SETD1A: variants seen among roughly 807,000 people sequenced by gnomAD.
SETD1A encodes SET domain containing 1A, histone lysine methyltransferase.
In SETD1A, 29 loss-of-function variants were observed where a neutral mutation model predicts 149.9. That is an observed-to-expected ratio of 0.19 (90% CI 0.14 to 0.26). SETD1A has a LOEUF of 0.26. Ranked by LOEUF, SETD1A falls within the 10% of genes least tolerant of loss-of-function variation. The probability of loss-of-function intolerance (pLI) is 1.00; values close to 1 mark genes in which losing one functional copy is unlikely to be tolerated. For synonymous variants in SETD1A, 1,141 were observed against 968.5 expected, an observed-to-expected ratio of 1.18 and a Z score of -3.31; for missense variants, 2,109 against 2,353.1, an observed-to-expected ratio of 0.90 and a Z score of 2.15.
In SETD1A at chr16:30,966,124, A is replaced by G. The variant is rs1181170806; in HGVS notation, c.2243A>G (p.Tyr748Cys). Residue 748 changes from tyrosine to cysteine, a missense_variant, in exon 8 of 19, where the codon TAC (tyrosine) becomes TGC (cysteine). By Grantham distance (194) the Tyr-to-Cys change is radical (BLOSUM62 -2). Around this residue, in one of 8 missense-constraint regions of SETD1A, gnomAD observed 431 missense variants for 388.6 expected, o/e 1.11. Transcript: ENST00000262519. ...AGAGGGGCATACTCACGGGAGGCCT[A>G]CCACCTGCCCATGCCAATGGCAGCC... ...EGRGAYSREAYHLPMPMAAEP... is the reference protein window; with the variant it reads ...EGRGAYSREACHLPMPMAAEP... 1 of 1,601,720 alleles carries G rather than the reference A, an allele frequency of 6.2e-7. No individual in the cohort carries two copies.
Position 30,961,558 on chromosome 16 carries a change from C to T in SETD1A, c.517+21C>T. ...CAAAGGTGAGGACTCCTCTGCCTGCCACTCAGGCTTGGCCTCCAGCGGAGG... is the reference window on the plus strand; with the variant it reads ...CAAAGGTGAGGACTCCTCTGCCTGCTACTCAGGCTTGGCCTCCAGCGGAGG... On this transcript the variant is annotated intron_variant, in intron 4 of 18. Transcript: ENST00000262519. This position sits in a 1 kb window ranked among gnomAD's most constrained non-coding sequence, Gnocchi z 4.0. 6.2e-7 allele frequency: 1 copy of T among 1,610,160 alleles called. No homozygotes were observed. The highest frequency in any genetic ancestry group is 2.2e-5 in the East Asian group (1 of 44,866).
At chr16:30,982,094 C>T (rs908747725) in intron 17 of SETD1A, among the ~76,000 whole-genome samples, 16 of 152,178 alleles carry the variant, frequency 1.1e-4, no homozygotes, top group African/African-American at 3.1e-4. Context: ...GAAAGGAGCT[C>T]GCAGGCCCAG....
chr16:30,981,822 A>G (rs775761497), intron 17 of SETD1A, among the ~76,000 whole-genome samples: 4 of 151,884 alleles, frequency 2.6e-5, no homozygotes, highest in African/African-American at 7.2e-5. Flanking sequence ...GTGGGGGTAC[A>G]TGGCTGTGGT....
At chr16:30,958,666 A>T in intron 1 of SETD1A, 51 bp from the exon 2 acceptor site, 1 of 1,475,014 alleles carries the variant, frequency 6.8e-7, no homozygotes, top group Non-Finnish European at 9.4e-7. Context: ...AAGGCAGGGG[A>T]GTCAGGCCCC....
At position 30,979,278 on chromosome 16, in the gene SETD1A, C is replaced by G. The variant is rs767078706; in HGVS notation, c.3492C>G (p.Arg1164=). ...PIPLLPPPKK[R]RKTVSFSAIE... Reference sequence around the variant, plus strand: ...CCCTCCTGCCCCCACCCAAGAAACGCCGGAAAACTGTCTCCTTCTCTGCCA... The same window carrying G: ...CCCTCCTGCCCCCACCCAAGAAACGGCGGAAAACTGTCTCCTTCTCTGCCA... Residue 1164 remains arginine, a synonymous_variant, in exon 14 of 19, where the codon CGC becomes CGG. Coordinates refer to ENST00000262519, the MANE Select transcript of SETD1A (RefSeq NM_014712.3). 2 of 1,613,428 alleles carry G rather than the reference C, an allele frequency of 1.2e-6. No individual in the cohort carries two copies. The highest frequency in any genetic ancestry group is 1.7e-6 in the Non-Finnish European group (2 of 1,179,696).
chr16:30,966,755 A>T (rs192057695), intron 8 of SETD1A, 129 bp from the exon 9 acceptor site: 1 of 1,074,318 alleles, frequency 9.3e-7, no homozygotes, highest in African/African-American at 1.6e-5. Context: ...GGGGGCTGGG[A>T]CAGGTGTGAC....
In SETD1A at chr16:30,967,014, C is replaced by T. The variant is rs765433872; in HGVS notation, c.2636C>T (p.Ala879Val). The change falls in exon 9 of 19, where the codon GCC becomes GTC. Residue 879 changes from alanine (A) to valine (V), a missense_variant. Physicochemically the swap from Ala to Val is moderately conservative, Grantham distance 64 (BLOSUM62 0). Transcript: ENST00000262519. ...GGCACTACGGGCATCGAGGCTTTCG[C>T]CTTTGGGTCAGGGCTGAGAGGGGCC... ...SGGTTGIEAF[A>V]FGSGLRGALR... 1 of 1,600,358 alleles carries T rather than the reference C, an allele frequency of 6.2e-7. No homozygotes were observed. The highest frequency in any genetic ancestry group is 8.5e-7 in the Non-Finnish European group (1 of 1,174,192).
In SETD1A at chr16:30,965,218, C is replaced by T. The variant is rs369122493; in HGVS notation, c.1476C>T (p.Ile492=). 1.1e-5 allele frequency: 18 copies of T among 1,614,076 alleles called. No homozygotes were observed. Among genetic ancestry groups the T allele is most frequent in the East Asian group, 6.7e-5 (3 of 44,890 alleles). ...AGCACAGCAGCCTGGATTCCCGCATCGAGATGCTGCTGAAGGAGCAGCGCT... is the reference window on the plus strand; with the variant it reads ...AGCACAGCAGCCTGGATTCCCGCATTGAGATGCTGCTGAAGGAGCAGCGCT... ...FAQHSSLDSR[I]EMLLKEQRSK... Residue 492 remains isoleucine (I), a synonymous_variant, in exon 7 of 19, where the codon ATC becomes ATT. Coordinates refer to ENST00000262519, the MANE Select transcript of SETD1A (RefSeq NM_014712.3).
chr16:30,979,161 A>C lies in SETD1A; in HGVS notation c.3375A>C (p.Ser1125=), dbSNP rs1596690565. The change falls in exon 14 of 19, where the codon TCA becomes TCC. Residue 1125 remains serine, a synonymous_variant. Transcript: ENST00000262519. ...CCTTCCCAGGCCCCACGGAGGAGTC[A>C]CCCCCCAGTGCGCCTCTGCGTCCCC... ...PARPAGPTEE[S]PPSAPLRPPE... is the part of the protein sequence containing the mutation. 2 of 1,569,068 alleles carry C rather than the reference A, an allele frequency of 1.3e-6. No individual in the cohort carries two copies. The highest frequency in any genetic ancestry group is 1.4e-5 in the African/African-American group (1 of 73,480).
Position 30,965,992 on chromosome 16 carries a change from C to A in SETD1A, c.2111C>A (p.Ala704Asp). Residue 704 changes from alanine to aspartate, a missense_variant, in exon 8 of 19, where the codon GCT becomes GAT. Around this residue, in one of 8 missense-constraint regions of SETD1A, gnomAD observed 431 missense variants for 388.6 expected, o/e 1.11. Transcript: ENST00000262519. ...RQGKGLIAASAGPPGGAFGEA... is the reference protein window; with the variant it reads ...RQGKGLIAASDGPPGGAFGEA... ...GGCAAGGGATTGATTGCCGCCTCAG[C>A]TGGCCCCCCCGGTGGGGCCTTTGGG... The A allele has an allele frequency of 6.3e-7, 1 of 1,579,978 alleles. No homozygotes were observed.
Position 30,969,378 on chromosome 16 carries a change from A to C in SETD1A, c.2844A>C (p.Arg948=). Residue 948 remains arginine, a synonymous_variant, in exon 11 of 19, where the codon CGA becomes CGC. Coordinates refer to ENST00000262519, the MANE Select transcript of SETD1A (RefSeq NM_014712.3). ...AGCCCCCGAAGCGGGACGAAGAGCG[A>C]GGCAAGACCCAGGGCAAGCACCGCA... is the stretch of plus-strand genomic sequence containing the variant. The part of the protein sequence containing the change: ...GTKPPKRDEE[R]GKTQGKHRKS... 1 of 1,614,170 alleles carries C rather than the reference A, an allele frequency of 6.2e-7. No individual in the cohort carries two copies.
chr16:30,962,947 A>T (rs960591294), intron 4 of SETD1A, among the ~76,000 whole-genome samples: 2 of 152,224 alleles, frequency 1.3e-5, no homozygotes, highest in African/African-American at 2.4e-5. Context: ...TGGTTTTTAA[A>T]TACCATGTTT....
chr16:30,969,204 C>T, intron 10 of SETD1A, 101 bp from the exon 11 acceptor site: 1 of 1,191,362 alleles, frequency 8.4e-7, no homozygotes, highest in Non-Finnish European at 1.2e-6. Context: ...GAAATGAAGA[C>T]CATCAGGAAG....
Position 30,979,202 on chromosome 16 carries a change from G to A in SETD1A, c.3416G>A (p.Gly1139Glu), listed in dbSNP as rs761450041. Residue 1139 changes from glycine (G) to glutamate (E), a missense_variant, in exon 14 of 19, where the codon GGG (glycine) becomes GAG (glutamate). Around this residue, in one of 8 missense-constraint regions of SETD1A, gnomAD observed 832 missense variants for 815.6 expected, o/e 1.02. Coordinates refer to ENST00000262519, the MANE Select transcript of SETD1A (RefSeq NM_014712.3). ...APLRPPEPPA[G>E]PPAPAPRPDE... ...CTGCGTCCCCCAGAACCACCTGCTG[G>A]GCCCCCGGCCCCTGCCCCACGCCCC... 21 of 1,584,570 alleles carry A rather than the reference G, an allele frequency of 1.3e-5. No homozygotes were observed. The highest frequency in any genetic ancestry group is 1.7e-5 in the Non-Finnish European group (20 of 1,165,588).
chr16:30,960,084 CT>C (rs1454752040), intron 3 of SETD1A, among the ~76,000 whole-genome samples: 3 of 152,150 alleles, frequency 2.0e-5, no homozygotes, highest in Non-Finnish European at 4.4e-5. Flanking sequence ...TGGCTCTTTT[CT>C]TTTTTATTCT....
At position 30,964,612 on chromosome 16, in the gene SETD1A, C is replaced by T; in HGVS notation, c.870C>T (p.Ser290=). 1 of 1,610,940 alleles carries T rather than the reference C, an allele frequency of 6.2e-7. No homozygotes were observed. The highest frequency in any genetic ancestry group is 8.5e-7 in the Non-Finnish European group (1 of 1,178,262). ...PYSQDSAYSS[S]TTSTSFKPRR... ...GCTAACTCCCCTGCTTCTTCTCCAG[C>T]ACCACTTCAACCTCCTTCAAGCCCC... The change falls in exon 7 of 19, where the codon AGC becomes AGT. Residue 290 remains serine (S), a splice_region_variant and synonymous_variant. Coordinates refer to ENST00000262519, the MANE Select transcript of SETD1A (RefSeq NM_014712.3).
rs569197113 is a variant in SETD1A at position 30,961,803 on chromosome 16, C to T, written c.517+266C>T. On this transcript the variant is annotated intron_variant, in intron 4 of 18. Coordinates refer to ENST00000262519, the MANE Select transcript of SETD1A (RefSeq NM_014712.3). This position sits in a 1 kb window ranked among gnomAD's most constrained non-coding sequence, Gnocchi z 4.0. ...AAAAAAAATCATATGAAGGGTTGTA[C>T]TAGGTAAGATGAATAGATTGTAGTA... 9.2e-5 allele frequency among the ~76,000 whole-genome samples: 14 copies of T among 151,904 alleles called. No homozygotes were observed. The highest frequency in any genetic ancestry group is 3.4e-4 in the African/African-American group (14 of 41,412).
In SETD1A at chr16:30,959,686, C is replaced by G. The variant is rs554693325; in HGVS notation, c.246+500C>G. On this transcript the variant is annotated intron_variant, in intron 3 of 18. Coordinates refer to ENST00000262519, the MANE Select transcript of SETD1A (RefSeq NM_014712.3). ...TGGAACACTGGTGGTTCTTCATTTC[C>G]TTCTCTGATTCTTTATTCTTCCTTT... 3.3e-5 allele frequency among the ~76,000 whole-genome samples: 5 copies of G among 151,970 alleles called. No homozygotes were observed. The South Asian group carries it at 6.2e-4, about 19-fold the overall frequency.
At chr16:30,966,839 G>T (rs749982343) in intron 8 of SETD1A, 45 bp from the exon 9 acceptor site, 3 of 1,498,880 alleles carry the variant, frequency 2.0e-6, no homozygotes, top group Non-Finnish European at 2.7e-6. Context: ...AGGAGGGAAT[G>T]CCTGGGTTCT....
Sources: allele counts gnomAD v4.1 joint callset (sites outside exome capture counted in the v4.1 genomes callset), GRCh38; gene constraint gnomAD v4.1.1; regional missense constraint gnomAD v4.1.1; non-coding constraint Gnocchi (gnomAD v3.1); transcripts MANE v1.5; gene names NCBI Gene and HGNC (gene_info 2026-07-23, HGNC 2026-07-21).